The following PRUNE2 variants were observed in gnomAD, a reference collection of about 807,000 sequenced individuals.
The protein encoded by PRUNE2 is prune homolog 2 with BCH domain.
In PRUNE2, 164 loss-of-function variants were observed where a neutral mutation model predicts 252.0. The ratio of observed to expected loss-of-function variants is 0.65; its 90% CI spans 0.57 to 0.74. The LOEUF (loss-of-function observed/expected upper bound fraction) is 0.74, where lower values mean the gene tolerates loss of function less well. Among genes scored for constraint, PRUNE2 ranks in the 30% least tolerant of loss-of-function variants. The pLI is 0.00. For missense variants in PRUNE2, 3,495 were observed against 3,711.0 expected (o/e 0.94, Z 1.51); for synonymous variants, 1,292 against 1,350.2 (o/e 0.96, Z 0.94).
In PRUNE2 at chr9:76,646,928, C is replaced by T. The variant is rs60647756; in HGVS notation, c.8558-2019G>A. ...TTTTGATTGGGTGTGGTGGCTCAAG[C>T]CTGTAATCCCAGCACTCTGAAGGCC... On this transcript the variant is annotated intron_variant, in intron 11 of 18. Transcript: ENST00000376718. Among the ~76,000 whole-genome samples the T allele has an allele frequency of 5.0e-3, 766 of 152,238 alleles. 9 individuals carry two copies. Among genetic ancestry groups the T allele is most frequent in the African/African-American group, 0.018 (734 of 41,538 alleles).
chr9:76,661,429 G>C (rs913109269), intron 9 of PRUNE2, among the ~76,000 whole-genome samples: 1 of 152,064 alleles, frequency 6.6e-6, no homozygotes, highest in African/African-American at 2.4e-5. Flanking sequence ...TTTTAATAGA[G>C]ATGGGGTTTC....
intron 6 of PRUNE2, among the ~76,000 whole-genome samples, chr9:76,741,383 T>C (rs975047801): frequency 2.0e-5 from 3 of 152,130 alleles, no homozygotes; most frequent in Non-Finnish European, 4.4e-5. Context: ...TGAAACAGAA[T>C]ACAGAGCCCA....
chr9:76,854,110 T>C lies in PRUNE2; in HGVS notation c.135A>G (p.Leu45=). ...LISTFTYAYF[L]DKVSPPGVLC... ...TTACCCTTTTTTCCCTCACCTTGTC[T>C]AGAAAGTAAGCATATGTGAAGGTAG... The change falls in exon 2 of 19, where the codon CTA becomes CTG. Residue 45 remains leucine, a synonymous_variant. Coordinates refer to ENST00000376718, the MANE Select transcript of PRUNE2 (RefSeq NM_015225.3). 6.4e-7 allele frequency: 1 copy of C among 1,566,484 alleles called. No individual in the cohort carries two copies. Among genetic ancestry groups the C allele is most frequent in the Admixed American group, 1.7e-5 (1 of 59,146 alleles).
intron 1 of PRUNE2, among the ~76,000 whole-genome samples, chr9:76,863,814 A>G (rs778204005): frequency 1.5e-4 from 23 of 152,244 alleles, no homozygotes; most frequent in Non-Finnish European, 7.3e-5. Flanking sequence ...AATGCAACTT[A>G]AAATTAAATC....
At chr9:76,618,755 C>A (rs1283071405) in intron 18 of PRUNE2, among the ~76,000 whole-genome samples, 1 of 152,212 alleles carries the variant, frequency 6.6e-6, no homozygotes, top group East Asian at 1.9e-4. Context: ...CTTTCCTCAT[C>A]TGTGAAATGT....
intron 6 of PRUNE2, among the ~76,000 whole-genome samples, chr9:76,773,497 G>A (rs924082295): frequency 1.4e-5 from 2 of 145,160 alleles, no homozygotes; most frequent in African/African-American, 5.1e-5. Context: ...AGGCTGGAGT[G>A]CAGTGGTGCA....
At chr9:76,721,013 A>G (rs889135266) in intron 6 of PRUNE2, among the ~76,000 whole-genome samples, 1 of 152,164 alleles carries the variant, frequency 6.6e-6, no homozygotes, top group Non-Finnish European at 1.5e-5. Context: ...GAGGCAGGAG[A>G]AGGGCATAAA....
intron 1 of PRUNE2, among the ~76,000 whole-genome samples, chr9:76,896,510 C>T (rs2062832597): frequency 6.6e-6 from 1 of 152,188 alleles, no homozygotes; most frequent in Non-Finnish European, 1.5e-5. Flanking sequence ...GCATCCTGTC[C>T]TGAATTGTGG....
At chr9:76,732,441 A>G (rs1229959072) in intron 6 of PRUNE2, among the ~76,000 whole-genome samples, 2 of 152,154 alleles carry the variant, frequency 1.3e-5, no homozygotes, top group African/African-American at 2.4e-5. Flanking sequence ...ACCCACGCAC[A>G]TTTGGCTTGG....
At chr9:76,703,205 G>C (rs756766883) in intron 9 of PRUNE2, 132 bp downstream of exon 9, 7 of 692,812 alleles carry the variant, frequency 1.0e-5, no homozygotes, top group Non-Finnish European at 1.6e-5. Flanking sequence ...TACTGATGGT[G>C]TGCCTTGCAT....
chr9:76,757,954 C>T (rs2051311248), intron 6 of PRUNE2, among the ~76,000 whole-genome samples: 2 of 152,156 alleles, frequency 1.3e-5, no homozygotes, highest in African/African-American at 4.8e-5. Context: ...TAAAAACTTA[C>T]ATAAAACATC....
chr9:76,746,323 G>A lies in PRUNE2; in HGVS notation c.757-32602C>T, dbSNP rs549510099. On this transcript the variant is annotated intron_variant, in intron 6 of 18. Transcript: ENST00000376718. ...ACTTTCAGCCTCACCCCCCAACCTC[G>A]GGAGAAGGCAGGCAGGCTGAAGCTT... Among the ~76,000 whole-genome samples, 204 of 152,268 alleles carry A rather than the reference G, an allele frequency of 1.3e-3. 7 individuals carry two copies. The South Asian group carries it at 0.039, about 29-fold the overall frequency.
intron 6 of PRUNE2, among the ~76,000 whole-genome samples, chr9:76,794,613 CAAAA>C (rs11358425): frequency 1.5e-5 from 1 of 67,902 alleles, no homozygotes; most frequent in Non-Finnish European, 3.2e-5. Context: ...GACTCTGTCT[CAAAA>C]AAAAAAAAAA....
intron 6 of PRUNE2, chr9:76,739,472 C>G (rs2049375391): frequency 6.6e-6 from 1 of 151,286 alleles, no homozygotes; most frequent in African/African-American, 2.4e-5. Context: ...GAGCCTTTCC[C>G]AAATATAAGT....
chr9:76,850,519 C>T lies in PRUNE2; in HGVS notation c.288G>A (p.Gln96=), dbSNP rs74548231. ...TCGATAACTTCCCTTCATCATTTAGCTGATGCAGGTTAATTTCATCCCGGA... is the reference window on the plus strand; with the variant it reads ...TCGATAACTTCCCTTCATCATTTAGTTGATGCAGGTTAATTTCATCCCGGA... The part of the protein sequence containing the change: ...HIFRDEINLH[Q]LNDEGKLSIT... Residue 96 remains glutamine, a synonymous_variant, in exon 3 of 19, where the codon CAG becomes CAA. Transcript: ENST00000376718. The T allele has an allele frequency of 1.6e-3, 2,605 of 1,613,938 alleles. 65 individuals are homozygous for T. In the East Asian group the frequency reaches 0.045, roughly 28 times the overall value.
chr9:76,770,398 C>T (rs560330613), intron 6 of PRUNE2, among the ~76,000 whole-genome samples: 58 of 152,208 alleles, frequency 3.8e-4, no homozygotes, highest in African/African-American at 1.3e-3. Flanking sequence ...TTTGAAAACA[C>T]ATTTTCAATC....
At chr9:76,822,753 G>A (rs765720100) in intron 6 of PRUNE2, among the ~76,000 whole-genome samples, 84 of 152,236 alleles carry the variant, frequency 5.5e-4, no homozygotes, top group Admixed American at 1.3e-3. Flanking sequence ...GTTGCAGTGA[G>A]CTGAGATGGT....
At chr9:76,874,970 T>C (rs2061399659) in intron 1 of PRUNE2, among the ~76,000 whole-genome samples, 1 of 152,130 alleles carries the variant, frequency 6.6e-6, no homozygotes. Flanking sequence ...TTGTCAATGA[T>C]CTTTCTGCTA....
chr9:76,788,528 T>A, intron 6 of PRUNE2: 1 of 717,598 alleles, frequency 1.4e-6, no homozygotes, highest in East Asian at 2.7e-5. Flanking sequence ...AGCTCAATCC[T>A]GCTCATCTGT....
Sources: allele counts gnomAD v4.1 joint callset (sites outside exome capture counted in the v4.1 genomes callset), GRCh38; gene constraint gnomAD v4.1.1; transcripts MANE v1.5; gene names NCBI Gene and HGNC (gene_info 2026-07-23, HGNC 2026-07-21).